RSPH14: variants seen among roughly 807,000 people sequenced by gnomAD.
RSPH14 encodes radial spoke head 14 homolog.
In RSPH14, 20 loss-of-function variants were observed where a neutral mutation model predicts 26.7. The observed-to-expected ratio is 0.75, with a 90% CI of 0.53 to 1.09. RSPH14 has a LOEUF of 1.09. RSPH14 is among the 50% of genes least tolerant of loss of function. RSPH14 has a pLI of 0.00. For missense variants in RSPH14, 449 were observed against 457.2 expected (o/e 0.98, Z 0.16); for synonymous variants, 177 against 189.3 (o/e 0.93, Z 0.53).
chr22:23,165,546 T>C, the RSPH14 span, among the ~76,000 whole-genome samples: 1 of 152,258 alleles, frequency 6.6e-6, no homozygotes, highest in Non-Finnish European at 1.5e-5. Flanking sequence ...AGAGAGGCTC[T>C]GGGCACAGGA....
chr22:23,177,338 C>T, the RSPH14 span, among the ~76,000 whole-genome samples: 1 of 152,172 alleles, frequency 6.6e-6, no homozygotes, highest in African/African-American at 2.4e-5. Context: ...CTCCCCCATA[C>T]ACAGGCATCG....
chr22:23,073,871 CAT>C lies in RSPH14; in HGVS notation c.422-9740_422-9739del, dbSNP rs981443363. Among the ~76,000 whole-genome samples the C allele has an allele frequency of 4.0e-5, 6 of 151,250 alleles. 1 individual carries two copies. Among genetic ancestry groups the C allele is most frequent in the Admixed American group, 6.6e-5 (1 of 15,174 alleles). On this transcript the variant is annotated intron_variant, in intron 4 of 6. Transcript: ENST00000216036. ...AGACGGGCAGGGGTTGACAGTAACA[CAT>C]GTTACTAAGTGCTGCACTGTGGAGA...
the RSPH14 span, among the ~76,000 whole-genome samples, chr22:23,166,604 C>G: frequency 6.6e-6 from 1 of 152,130 alleles, no homozygotes; most frequent in Non-Finnish European, 1.5e-5. Context: ...ATTCCCTTAC[C>G]GTCCTGGTGG....
chr22:23,094,582 A>G (rs536230276), intron 4 of RSPH14, among the ~76,000 whole-genome samples: 69 of 151,912 alleles, frequency 4.5e-4, no homozygotes, highest in Non-Finnish European at 9.0e-4. Flanking sequence ...GCCCCCCTCT[A>G]CCTCCTTCTG....
chr22:23,089,230 G>C (rs1326681552), intron 4 of RSPH14, among the ~76,000 whole-genome samples: 2 of 152,244 alleles, frequency 1.3e-5, no homozygotes, highest in African/African-American at 4.8e-5. Flanking sequence ...GGCTTGGGCA[G>C]TGAGACCTTC....
chr22:23,166,876 T>C, the RSPH14 span, among the ~76,000 whole-genome samples: 1 of 151,870 alleles, frequency 6.6e-6, no homozygotes, highest in Admixed American at 6.6e-5. Flanking sequence ...CATCCAGGAG[T>C]GGGGTGCCTC....
intron 4 of RSPH14, among the ~76,000 whole-genome samples, chr22:23,113,793 C>T (rs552043309): frequency 1.2e-3 from 180 of 152,364 alleles, no homozygotes; most frequent in African/African-American, 4.2e-3. Context: ...CAGGATGGCC[C>T]AGGCAGGTTG....
At chr22:23,131,061 A>T (rs2070352029) in intron 4 of RSPH14, 1 of 153,342 alleles carries the variant, frequency 6.5e-6, no homozygotes. Context: ...ACAGGAGTAC[A>T]AACAACCAAC....
chr22:23,083,970 C>T (rs1569165175), intron 4 of RSPH14, among the ~76,000 whole-genome samples: 2 of 151,872 alleles, frequency 1.3e-5, no homozygotes, highest in African/African-American at 4.9e-5. Flanking sequence ...GAACAGGGCA[C>T]TGTGAGTGTG....
chr22:23,172,607 G>A, the RSPH14 span, among the ~76,000 whole-genome samples: 1 of 150,768 alleles, frequency 6.6e-6, no homozygotes, highest in South Asian at 2.1e-4. Context: ...GGGAGGCTGA[G>A]GCAGGAAATG....
chr22:23,112,390 G>A (rs1315186954), intron 4 of RSPH14, among the ~76,000 whole-genome samples: 1 of 152,214 alleles, frequency 6.6e-6, no homozygotes, highest in Admixed American at 6.5e-5. Context: ...GAGGTCCAGG[G>A]ACCTGGTCAG....
rs973169724 is a variant in RSPH14, at chr22:23,130,534, G to A, written c.421+3492C>T. Among the ~76,000 whole-genome samples, 1,137 of 139,324 alleles carry A rather than the reference G, an allele frequency of 8.2e-3. 24 individuals carry two copies. The highest frequency in any genetic ancestry group is 0.027 in the African/African-American group (1,040 of 38,034). 91.4% of individuals were successfully genotyped at this position (139,324 alleles called of 152,430 possible). On this transcript the variant is annotated intron_variant, in intron 4 of 6. Transcript: ENST00000216036. ...AAAGAAAGAAAGAAAGAAAGAAAGAGAAAGAAGGAAAGAAGGAAAGAAAGA... is the reference window on the plus strand; with the variant it reads ...AAAGAAAGAAAGAAAGAAAGAAAGAAAAAGAAGGAAAGAAGGAAAGAAAGA...
intron 4 of RSPH14, among the ~76,000 whole-genome samples, chr22:23,115,207 A>G (rs1481448033): frequency 6.6e-6 from 1 of 152,110 alleles, no homozygotes; most frequent in Non-Finnish European, 1.5e-5. Context: ...GCCATATCAC[A>G]CTGGCATCAC....
chr22:23,071,381 G>C lies in RSPH14; in HGVS notation c.422-7248C>G, dbSNP rs1039507945. On this transcript the variant is annotated intron_variant, in intron 4 of 6. Coordinates refer to ENST00000216036, the MANE Select transcript of RSPH14 (RefSeq NM_014433.3). This position sits in a 1 kb window ranked among gnomAD's most constrained non-coding sequence, Gnocchi z 4.1. ...CTGTTAACTGAGACAAGAGGATGAT[G>C]CCAAGCGAGACCAGCGTTCCGCGTA... Among the ~76,000 whole-genome samples the C allele has an allele frequency of 3.3e-5, 5 of 152,170 alleles. No homozygotes were observed. Among genetic ancestry groups the C allele is most frequent in the Non-Finnish European group, 7.4e-5 (5 of 68,016 alleles).
upstream of RSPH14, among the ~76,000 whole-genome samples, chr22:23,143,310 AATAAATAAATAAATAAATAAATAG>A (rs1282096152): frequency 1.4e-5 from 2 of 139,688 alleles, no homozygotes; most frequent in Non-Finnish European, 3.1e-5. Context: ...TAAATAAATA[AATAAATAAATAAATAAATAAATAG>A]ATATAATTTT....
chr22:23,065,100 C>T (rs774613314), intron 4 of RSPH14, among the ~76,000 whole-genome samples: 2 of 152,208 alleles, frequency 1.3e-5, no homozygotes, highest in Admixed American at 6.5e-5. Flanking sequence ...CTCTTTCTTC[C>T]GCCCTCCCCA....
intron 4 of RSPH14, chr22:23,096,550 A>G (rs1443325004): frequency 1.1e-6 from 1 of 939,446 alleles, no homozygotes; most frequent in African/African-American, 1.6e-5. Flanking sequence ...CTGCTGCACG[A>G]TAACTGAGGC....
chr22:23,111,129 A>T (rs947600043), intron 4 of RSPH14, among the ~76,000 whole-genome samples: 2 of 152,102 alleles, frequency 1.3e-5, no homozygotes, highest in Admixed American at 1.3e-4. Context: ...TGCCTCCTCC[A>T]CCTGCTCTCA....
rs200796554 is a variant in RSPH14, at chr22:23,061,956, G to A, written c.654-11C>T. On this transcript the variant is annotated splice_polypyrimidine_tract_variant and intron_variant, in intron 5 of 6. Coordinates refer to ENST00000216036, the MANE Select transcript of RSPH14 (RefSeq NM_014433.3). ...CCCTCTCGAGATATGCTGGGGCAGA[G>A]AGGGAACAGAGAGGGGCTCTGCTTG... is the stretch of plus-strand genomic sequence containing the variant. The A allele has an allele frequency of 2.5e-5, 41 of 1,613,876 alleles. No individual in the cohort carries two copies. The South Asian group carries it at 4.0e-4, about 16-fold the overall frequency.
Sources: gnomAD v4.1 joint callset for allele counts (sites outside exome capture counted in the v4.1 genomes callset) on GRCh38, gnomAD v4.1.1 for gene constraint, Gnocchi (gnomAD v3.1) non-coding constraint, MANE v1.5 for transcripts, NCBI Gene and HGNC (gene_info 2026-07-23, HGNC 2026-07-21) for gene names.